ADCY4: variants seen among roughly 807,000 people sequenced by gnomAD.
ADCY4 encodes the protein adenylate cyclase 4.
In ADCY4, 111 loss-of-function variants were observed where a neutral mutation model predicts 125.5. That is an observed-to-expected ratio of 0.88 (90% confidence interval 0.76 to 1.04). The LOEUF (loss-of-function observed/expected upper bound fraction) is 1.04, where lower values mean the gene tolerates loss of function less well. Ranked by LOEUF, ADCY4 falls within the 50% of genes least tolerant of loss-of-function variation. The probability of loss-of-function intolerance (pLI) is 0.00; values close to 1 mark genes in which losing one functional copy is unlikely to be tolerated. For missense variants in ADCY4, 1,256 were observed against 1,382.9 expected (o/e 0.91, Z 1.46); for synonymous variants, 576 against 586.9 (o/e 0.98, Z 0.27).
In ADCY4 at chr14:24,319,192, G is replaced by T; in HGVS notation, c.2862C>A (p.Ser954Arg). 1 of 1,614,134 alleles carries T rather than the reference G, an allele frequency of 6.2e-7. No individual in the cohort carries two copies. Among genetic ancestry groups the T allele is most frequent in the Non-Finnish European group, 8.5e-7 (1 of 1,180,024 alleles). Residue 954 changes from serine to arginine, a missense_variant, in exon 23 of 25, where the codon AGC (serine) becomes AGA (arginine). By Grantham distance (110) the Ser-to-Arg change is moderately radical. Coordinates refer to ENST00000418030, the MANE Select transcript of ADCY4 (RefSeq NM_001198568.2). This position sits in a 1 kb window ranked among gnomAD's most constrained non-coding sequence, Gnocchi z 4.5. Reference sequence around the variant, plus strand: ...CAAATTCCACCATAGTGCCAAGGTGGCTGCAGCTCCGTTCAGCATCCTGGC... The same window carrying T: ...CAAATTCCACCATAGTGCCAAGGTGTCTGCAGCTCCGTTCAGCATCCTGGC... Reference protein sequence around the residue: ...DAQQDAERSCSHLGTMVEFAV... With the variant: ...DAQQDAERSCRHLGTMVEFAV...
At chr14:24,320,021 G>T in intron 20 of ADCY4, 133 bp from the exon 21 acceptor site, 1 of 1,102,210 alleles carries the variant, frequency 9.1e-7, no homozygotes, top group Non-Finnish European at 1.3e-6. Context: ...AGGAGGGAGA[G>T]GAGTAGGGCC....
At chr14:24,320,943 C>T (rs2041840813) in intron 20 of ADCY4, among the ~76,000 whole-genome samples, 1 of 152,062 alleles carries the variant, frequency 6.6e-6, no homozygotes, top group South Asian at 2.1e-4. Context: ...ACCAGCAGTC[C>T]CCAACCTTTT....
At position 24,324,214 on chromosome 14, in the gene ADCY4, T is replaced by C. The variant is rs146946352; in HGVS notation, c.1909-15A>G. On this transcript the variant is annotated splice_polypyrimidine_tract_variant and intron_variant, in intron 15 of 24. Coordinates refer to ENST00000418030, the MANE Select transcript of ADCY4 (RefSeq NM_001198568.2). ...AGGACACACCTCTGTGGAGGGAGCA[T>C]GGGCATCTTAGCCACGGGGCTGGGG... 33 of 1,614,104 alleles carry C rather than the reference T, an allele frequency of 2.0e-5. No homozygotes were observed. In the East Asian group the frequency reaches 7.4e-4, roughly 36 times the overall value.
At position 24,334,534 on chromosome 14, in the gene ADCY4, G is replaced by T; in HGVS notation, c.119C>A (p.Ala40Glu). Residue 40 changes from alanine (A) to glutamate (E), a missense_variant, in exon 1 of 25, where the codon GCG (alanine) becomes GAG (glutamate). Physicochemically the swap from Ala to Glu is moderately radical, Grantham distance 107 (BLOSUM62 -1). Coordinates refer to ENST00000418030, the MANE Select transcript of ADCY4 (RefSeq NM_001198568.2). ...LLLLLGIVLC[A>E]LAALLAVAWA... Reference sequence around the variant, plus strand: ...GGCCACTGCGAGCAGCGCCGCGAGCGCACAGAGCACGATCCCCAGCAGCAG... The same window carrying T: ...GGCCACTGCGAGCAGCGCCGCGAGCTCACAGAGCACGATCCCCAGCAGCAG... 6.3e-7 allele frequency: 1 copy of T among 1,582,816 alleles called. No individual in the cohort carries two copies. The highest frequency in any genetic ancestry group is 8.6e-7 in the Non-Finnish European group (1 of 1,169,550).
rs752634382 is a variant in ADCY4, at chr14:24,322,105, G to A, written c.2547C>T (p.His849=). ...RLLLENVLPA[H]VAPQFIGQNR... ...TCTGGCCAATGAACTGGGGGGCCAC[G>A]TGTGCAGGGAGCACGTTCTCCAAGA... Residue 849 remains histidine, a synonymous_variant, in exon 20 of 25, where the codon CAC becomes CAT. Transcript: ENST00000418030. 2.1e-4 allele frequency: 341 copies of A among 1,613,870 alleles called. No individual in the cohort carries two copies. The highest frequency in any genetic ancestry group is 2.8e-4 in the Non-Finnish European group (330 of 1,179,890).
At position 24,323,640 on chromosome 14, in the gene ADCY4, G is replaced by A; in HGVS notation, c.2047-186C>T. The A allele has an allele frequency of 2.1e-6, 3 of 1,420,160 alleles. No homozygotes were observed. The South Asian group carries it at 4.5e-5, about 21-fold the overall frequency. The allele number at this position is 1,420,160 out of a possible 1,614,324, so 88.0% of individuals were successfully genotyped here. On this transcript the variant is annotated intron_variant, in intron 16 of 24. Coordinates refer to ENST00000418030, the MANE Select transcript of ADCY4 (RefSeq NM_001198568.2). ...CTCACTCGGGGAGGAGTTATGTGAG[G>A]GGCGTCAAGAGTACTCCTCTGACTC...
Position 24,329,188 on chromosome 14 carries a change from G to A in ADCY4, c.1397C>T (p.Ser466Leu), listed in dbSNP as rs759419222. The A allele has an allele frequency of 1.7e-5, 28 of 1,613,928 alleles. No individual in the cohort carries two copies. The highest frequency in any genetic ancestry group is 6.7e-5 in the Admixed American group (4 of 59,996). The part of the protein sequence containing the change: ...EKGTAGGLLS[S>L]LEGLKMRPSL... The stretch of plus-strand genomic sequence containing the variant: ...TGGACGCATCTTGAGGCCCTCAAGC[G>A]AGGACAGCAAGCCTCCTGCAGTGCC... The change falls in exon 10 of 25, where the codon TCG becomes TTG. Residue 466 changes from serine to leucine, a missense_variant. Physicochemically the swap from Ser to Leu is moderately radical, Grantham distance 145 (BLOSUM62 -2). Coordinates refer to ENST00000418030, the MANE Select transcript of ADCY4 (RefSeq NM_001198568.2).
intron 16 of ADCY4, 36 bp from the exon 17 acceptor site, chr14:24,323,490 C>T (rs2041889320): frequency 6.5e-7 from 1 of 1,550,030 alleles, no homozygotes; most frequent in Non-Finnish European, 8.7e-7. Context: ...AGGCAGGTAG[C>T]TTCTTGGGCA....
chr14:24,331,378 A>G, intron 4 of ADCY4, 22 bp from the exon 5 acceptor site: 1 of 1,612,828 alleles, frequency 6.2e-7, no homozygotes, highest in Non-Finnish European at 8.5e-7. Context: ...CACCATGAAC[A>G]CCAACTCTTC....
intron 10 of ADCY4, among the ~76,000 whole-genome samples, chr14:24,327,476 C>G (rs2041967353): frequency 6.6e-6 from 1 of 152,184 alleles, no homozygotes; most frequent in Non-Finnish European, 1.5e-5. Flanking sequence ...CATCCTGCAA[C>G]AGTCAGCTGA....
At chr14:24,322,788 T>G (rs980781779) in intron 18 of ADCY4, 80 bp from the exon 19 acceptor site, 3 of 1,556,470 alleles carry the variant, frequency 1.9e-6, no homozygotes, top group Non-Finnish European at 2.6e-6. Flanking sequence ...GGCCTCCGCT[T>G]CCCTCCCACT....
intron 10 of ADCY4, among the ~76,000 whole-genome samples, chr14:24,326,740 T>C (rs563854471): frequency 6.6e-6 from 1 of 152,034 alleles, no homozygotes; most frequent in East Asian, 1.9e-4. Flanking sequence ...ATTACAGGCA[T>C]GTGCCACCAC....
In ADCY4 at chr14:24,325,348, A is replaced by G. The variant is rs373886945; in HGVS notation, c.1823+29T>C. The stretch of plus-strand genomic sequence containing the variant: ...GCAAGGTGATCCGCTTATGACAGCC[A>G]GGGCCTCCTTTGCCTGGGGCACTCT... On this transcript the variant is annotated intron_variant, in intron 14 of 24. Coordinates refer to ENST00000418030, the MANE Select transcript of ADCY4 (RefSeq NM_001198568.2). 1.1e-4 allele frequency: 179 copies of G among 1,592,098 alleles called. 4 individuals carry two copies. The South Asian group carries it at 1.8e-3, about 16-fold the overall frequency.
chr14:24,329,099 G>C lies in ADCY4; in HGVS notation c.1486C>G (p.His496Asp), dbSNP rs1486039764. The change falls in exon 10 of 25, where the codon CAC (histidine) becomes GAC (aspartate). Residue 496 changes from histidine to aspartate, a missense_variant. Transcript: ENST00000418030. ...GAGGTGGACACAGGGCTGTCTCCGT[G>C]GCTCAGGTGGGCAAAAGGCTTGGCT... is the stretch of plus-strand genomic sequence containing the variant. Reference protein sequence around the residue: ...GAAKPFAHLSHGDSPVSTSTP... With the variant: ...GAAKPFAHLSDGDSPVSTSTP... 2 of 1,613,908 alleles carry C rather than the reference G, an allele frequency of 1.2e-6. No homozygotes were observed. The highest frequency in any genetic ancestry group is 2.2e-5 in the South Asian group (2 of 91,086).
In ADCY4 at chr14:24,329,527, C is replaced by T. The variant is rs761675303; in HGVS notation, c.1224G>A (p.Val408=). 7 of 1,527,116 alleles carry T rather than the reference C, an allele frequency of 4.6e-6. No homozygotes were observed. The highest frequency in any genetic ancestry group is 6.1e-6 in the Non-Finnish European group (7 of 1,140,046). 94.6% of individuals were successfully genotyped at this position (1,527,116 alleles called of 1,614,324 possible). ...HMEAGGVPGR[V]HITGATLALL... is the part of the protein sequence containing the mutation. ...GGGCCAGGGTAGCCCCTGTGATGTGCACTCGCCTGGAAGGAGGGAGGCAGT... is the reference window on the plus strand; with the variant it reads ...GGGCCAGGGTAGCCCCTGTGATGTGTACTCGCCTGGAAGGAGGGAGGCAGT... The change falls in exon 9 of 25, where the codon GTG becomes GTA. Residue 408 remains valine (V), a synonymous_variant. Coordinates refer to ENST00000418030, the MANE Select transcript of ADCY4 (RefSeq NM_001198568.2).
rs1261641652 is a variant in ADCY4, at chr14:24,329,092, T to A, written c.1493A>T (p.Asp498Val). ...AKPFAHLSHG[D>V]SPVSTSTPLP... ...AGGGGTGGAGGTGGACACAGGGCTGTCTCCGTGGCTCAGGTGGGCAAAAGG... is the reference window on the plus strand; with the variant it reads ...AGGGGTGGAGGTGGACACAGGGCTGACTCCGTGGCTCAGGTGGGCAAAAGG... The change falls in exon 10 of 25, where the codon GAC becomes GTC. Residue 498 changes from aspartate to valine, a missense_variant. Physicochemically the swap from Asp to Val is radical, Grantham distance 152. Coordinates refer to ENST00000418030, the MANE Select transcript of ADCY4 (RefSeq NM_001198568.2). 5 of 1,613,634 alleles carry A rather than the reference T, an allele frequency of 3.1e-6. No individual in the cohort carries two copies. The South Asian group carries it at 4.4e-5, about 14-fold the overall frequency.
chr14:24,334,361 C>T, intron 1 of ADCY4, 133 bp downstream of exon 1: 1 of 1,419,648 alleles, frequency 7.0e-7, no homozygotes, highest in Non-Finnish European at 9.2e-7. Context: ...CACTGCAGTT[C>T]CTAGCCAGGC....
chr14:24,328,700 T>A (rs2041990502), intron 10 of ADCY4: 1 of 234,364 alleles, frequency 4.3e-6, no homozygotes, highest in Non-Finnish European at 8.4e-6. Context: ...TTGGTGGTAG[T>A]GGTCCCCCGG....
In ADCY4 at chr14:24,326,241, G is replaced by A. The variant is rs375125745; in HGVS notation, c.1568+58C>T. The A allele has an allele frequency of 4.2e-4, 683 of 1,612,168 alleles. 6 individuals are homozygous for A. In the South Asian group the frequency reaches 4.9e-3, roughly 12 times the overall value. On this transcript the variant is annotated intron_variant, in intron 11 of 24. Coordinates refer to ENST00000418030, the MANE Select transcript of ADCY4 (RefSeq NM_001198568.2). ...GGCAAAGCAGGAGCAGACCCCCAGG[G>A]AGGATGGAGGGGGTCATCCAGACAG...
Sources: gnomAD v4.1 joint callset for allele counts (sites outside exome capture counted in the v4.1 genomes callset) on GRCh38, gnomAD v4.1.1 for gene constraint, Gnocchi (gnomAD v3.1) non-coding constraint, MANE v1.5 for transcripts, NCBI Gene and HGNC (gene_info 2026-07-23, HGNC 2026-07-21) for gene names.